Variants in CHRND observed in about 807,000 individuals in gnomAD.
CHRND encodes the protein acetylcholine receptor subunit delta.
CHRND carries 40 observed loss-of-function variants against 57.8 expected under a neutral mutation model. That is an observed-to-expected ratio of 0.69 (90% confidence interval 0.54 to 0.90). CHRND has a LOEUF of 0.90. CHRND is among the 40% of genes least tolerant of loss of function. The probability of loss-of-function intolerance (pLI) is 0.00; values close to 1 mark genes in which losing one functional copy is unlikely to be tolerated. For missense variants in CHRND, 634 were observed against 673.9 expected (o/e 0.94, Z 0.66); for synonymous variants, 237 against 270.6 (o/e 0.88, Z 1.22).
intron 9 of CHRND, among the ~76,000 whole-genome samples, chr2:232,533,257 C>T (rs777255882): frequency 1.3e-5 from 2 of 152,152 alleles, no homozygotes; most frequent in African/African-American, 4.8e-5. Context: ...TGACCTCAAG[C>T]GATCCACCTG....
chr2:232,530,005 A>G lies in CHRND; in HGVS notation c.686A>G (p.Asp229Gly). The stretch of plus-strand genomic sequence containing the variant: ...AACGTGGACCCCAGAGCCCCTCTGG[A>G]CAGCCCCAGCCGCCAGGACATCACC... The part of the protein sequence containing the change: ...RVNVDPRAPL[D>G]SPSRQDITFY... Residue 229 changes from aspartate to glycine, a missense_variant, in exon 7 of 12, where the codon GAC becomes GGC. Coordinates refer to ENST00000258385, the MANE Select transcript of CHRND (RefSeq NM_000751.3). The G allele has an allele frequency of 6.2e-7, 1 of 1,614,144 alleles. No homozygotes were observed. The highest frequency in any genetic ancestry group is 8.5e-7 in the Non-Finnish European group (1 of 1,180,030).
Position 232,529,067 on chromosome 2 carries a change from C to T in CHRND, c.619+96C>T, listed in dbSNP as rs1340066987. The T allele has an allele frequency of 3.6e-6, 3 of 833,966 alleles. No homozygotes were observed. The African/African-American group carries it at 5.0e-5, about 14-fold the overall frequency. 51.7% of individuals were successfully genotyped at this position (833,966 alleles called of 1,614,324 possible). The stretch of plus-strand genomic sequence containing the variant: ...CCAGAGACACACACGTGCACACACA[C>T]ACACACTTAGGACACCAATACACAG... On this transcript the variant is annotated intron_variant, in intron 6 of 11. Coordinates refer to ENST00000258385, the MANE Select transcript of CHRND (RefSeq NM_000751.3).
At chr2:232,535,014 C>A in intron 11 of CHRND, 116 bp from the exon 12 acceptor site, 1 of 1,212,000 alleles carries the variant, frequency 8.3e-7, no homozygotes, top group Non-Finnish European at 1.2e-6. Context: ...AAGCCCGAGG[C>A]AGCCTCTGCA....
At position 232,526,617 on chromosome 2, in the gene CHRND, CAA is replaced by C. The variant is rs1197761295; in HGVS notation, c.143_144del (p.Lys48ArgfsTer22). ...YNKELRPVAHKEESVDVALAL... is the reference protein window; with the variant it reads ...YNKELRPVAHXEESVDVALAL... ...ACAAGGAGCTCCGGCCCGTGGCACA[CAA>C]AGAGGAGAGTGTGGACGTTGCCCTG... On this transcript the variant is annotated frameshift_variant, in exon 2 of 12. Transcript: ENST00000258385. LOFTEE classifies it high-confidence loss of function. 6.2e-7 allele frequency: 1 copy of C among 1,613,794 alleles called. No homozygotes were observed. Among genetic ancestry groups the C allele is most frequent in the Non-Finnish European group, 8.5e-7 (1 of 1,180,004 alleles).
Position 232,536,495 on chromosome 2 carries a change from G to A in CHRND, c.*1183G>A. The A allele has an allele frequency of 2.2e-6, 1 of 453,560 alleles. No homozygotes were observed. The highest frequency in any genetic ancestry group is 1.6e-5 in the South Asian group (1 of 64,468). The allele number at this position is 453,560 out of a possible 1,614,324, so 28.1% of individuals were successfully genotyped here. On this transcript the variant is annotated 3_prime_UTR_variant, in exon 12 of 12. Transcript: ENST00000258385. ...TGCCAACAGCCACGTGAGTGAATGT[G>A]GAAGTGGATCCTCTGCCCCAGTAGG...
intron 9 of CHRND, among the ~76,000 whole-genome samples, chr2:232,533,490 G>A (rs1403910432): frequency 2.6e-5 from 4 of 152,202 alleles, no homozygotes; most frequent in East Asian, 1.9e-4. Flanking sequence ...GTAGGAGATC[G>A]GGGAATCAAT....
intron 6 of CHRND, among the ~76,000 whole-genome samples, chr2:232,529,641 T>G (rs1228256601): frequency 6.6e-6 from 1 of 152,232 alleles, no homozygotes; most frequent in African/African-American, 2.4e-5. Flanking sequence ...CAATACCTGT[T>G]TTTGGCTCGT....
chr2:232,527,850 A>C (rs1315779594), intron 3 of CHRND, among the ~76,000 whole-genome samples: 1 of 152,220 alleles, frequency 6.6e-6, no homozygotes, highest in South Asian at 2.1e-4. Context: ...ACTGTTCTCC[A>C]GGAGGGGTTG....
rs563035306 is a variant in CHRND, at chr2:232,534,103, G to A, written c.1220G>A (p.Arg407Gln). The change falls in exon 10 of 12, where the codon CGG becomes CAG. Residue 407 changes from arginine to glutamine, a missense_variant. By Grantham distance (43) the Arg-to-Gln change is conservative. Coordinates refer to ENST00000258385, the MANE Select transcript of CHRND (RefSeq NM_000751.3). ...CTCATGTTCGAGAAGCAGTCAGAGCGGCATGGGCTGGCCAGGCGCCTCACC... is the reference window on the plus strand; with the variant it reads ...CTCATGTTCGAGAAGCAGTCAGAGCAGCATGGGCTGGCCAGGCGCCTCACC... ...SDLMFEKQSE[R>Q]HGLARRLTTA... 4.2e-5 allele frequency: 67 copies of A among 1,614,080 alleles called. No individual in the cohort carries two copies. Among genetic ancestry groups the A allele is most frequent in the Middle Eastern group, 1.7e-4 (1 of 6,046 alleles).
chr2:232,529,317 G>T (rs1324944887), intron 6 of CHRND, among the ~76,000 whole-genome samples: 1 of 152,180 alleles, frequency 6.6e-6, no homozygotes, highest in Non-Finnish European at 1.5e-5. Context: ...TGAGCCCAGG[G>T]GTGTGGTTGG....
At position 232,534,033 on chromosome 2, in the gene CHRND, A is replaced by C; in HGVS notation, c.1150A>C (p.Ile384Leu). 6.2e-7 allele frequency: 1 copy of C among 1,614,076 alleles called. No individual in the cohort carries two copies. Among genetic ancestry groups the C allele is most frequent in the Non-Finnish European group, 8.5e-7 (1 of 1,180,034 alleles). ...LVRRSSSLGYISKAEEYFLLK... is the reference protein window; with the variant it reads ...LVRRSSSLGYLSKAEEYFLLK... ...GCGGAGGAGCAGCTCCCTGGGATAC[A>C]TCTCCAAGGCCGAGGAGTACTTCCT... The change falls in exon 10 of 12, where the codon ATC becomes CTC. Residue 384 changes from isoleucine to leucine, a missense_variant. By Grantham distance (5) the Ile-to-Leu change is conservative. Transcript: ENST00000258385.
chr2:232,533,879 A>C (rs1217092584), intron 9 of CHRND, 52 bp from the exon 10 acceptor site: 1 of 1,588,306 alleles, frequency 6.3e-7, no homozygotes, highest in Non-Finnish European at 8.6e-7. Flanking sequence ...CCGTCTCAAA[A>C]ACAAAGAACA....
intron 7 of CHRND, among the ~76,000 whole-genome samples, chr2:232,530,995 T>C (rs527880722): frequency 6.6e-6 from 1 of 152,262 alleles, no homozygotes; most frequent in Non-Finnish European, 1.5e-5. Flanking sequence ...AGGTCTGTGC[T>C]CCAGGAGGGT....
rs1691893453 is a variant in CHRND, at chr2:232,536,396, T to C, written c.*1084T>C. On this transcript the variant is annotated 3_prime_UTR_variant, in exon 12 of 12. Transcript: ENST00000258385. ...CTCATTCTCACATCAGTTGGATCTC[T>C]CACTTTGGGGAAGCCAGCTGGCATG... 2 of 454,026 alleles carry C rather than the reference T, an allele frequency of 4.4e-6. No individual in the cohort carries two copies. The highest frequency in any genetic ancestry group is 4.0e-5 in the African/African-American group (2 of 50,002). The allele number at this position is 454,026 out of a possible 1,614,324, so 28.1% of individuals were successfully genotyped here. A position where few individuals can be genotyped will look rare whatever the true frequency, so the allele number is the denominator to read the frequency against.
In CHRND at chr2:232,528,968, A is replaced by G; in HGVS notation, c.616A>G (p.Thr206Ala). 2 of 1,613,662 alleles carry G rather than the reference A, an allele frequency of 1.2e-6. No homozygotes were observed. Among genetic ancestry groups the G allele is most frequent in the Non-Finnish European group, 1.7e-6 (2 of 1,179,658 alleles). ...GATCATCATTGATCCTGAAGGCTTC[A>G]CAGGTGCTGGGAACAGCCGCCAGTG... ...EWIIIDPEGF[T>A]ENGEWEIVHR... Residue 206 changes from threonine (T) to alanine (A), a missense_variant, in exon 6 of 12, where the codon ACA becomes GCA. Transcript: ENST00000258385.
At position 232,526,284 on chromosome 2, in the gene CHRND, T is replaced by A. The variant is rs1691459786; in HGVS notation, c.52+17T>A. On this transcript the variant is annotated intron_variant, in intron 1 of 11. Coordinates refer to ENST00000258385, the MANE Select transcript of CHRND (RefSeq NM_000751.3). ...CGGTGTGTGGTAAGGGAAGACACCC[T>A]CCCCACCCTGGGGTCCCCCGTGATG... The A allele has an allele frequency of 6.2e-7, 1 of 1,610,196 alleles. No homozygotes were observed. Among genetic ancestry groups the A allele is most frequent in the Non-Finnish European group, 8.5e-7 (1 of 1,178,384 alleles).
chr2:232,528,604 A>G lies in CHRND; in HGVS notation c.457A>G (p.Ile153Val), dbSNP rs138322202. Residue 153 changes from isoleucine to valine, a missense_variant, in exon 5 of 12, where the codon ATC becomes GTC. Transcript: ENST00000258385. ...PPAIFRSSCP[I>V]SVTYFPFDWQ... ...TGCCATCTTCCGCTCCTCCTGCCCC[A>G]TCTCTGTCACCTATTTCCCCTTCGA... 3 of 1,613,832 alleles carry G rather than the reference A, an allele frequency of 1.9e-6. No homozygotes were observed. The highest frequency in any genetic ancestry group is 2.2e-5 in the East Asian group (1 of 44,862).
chr2:232,531,075 G>A (rs1256778874), intron 7 of CHRND, among the ~76,000 whole-genome samples: 2 of 152,190 alleles, frequency 1.3e-5, no homozygotes, highest in Admixed American at 6.5e-5. Context: ...AGAGTGATGC[G>A]TGTTAAACAC....
At chr2:232,530,755 G>T (rs1387413660) in intron 7 of CHRND, among the ~76,000 whole-genome samples, 1 of 152,144 alleles carries the variant, frequency 6.6e-6, no homozygotes, top group Non-Finnish European at 1.5e-5. Context: ...ATTGGGTGGG[G>T]CTACCACAGG....
Sources: allele counts gnomAD v4.1 joint callset (sites outside exome capture counted in the v4.1 genomes callset), GRCh38; gene constraint gnomAD v4.1.1; transcripts MANE v1.5; gene names NCBI Gene and HGNC (gene_info 2026-07-23, HGNC 2026-07-21).